WWOX: variants seen among roughly 807,000 people sequenced by gnomAD.
The protein encoded by WWOX is WW domain-containing oxidoreductase.
A neutral mutation model predicts 46.2 loss-of-function variants in WWOX; 69 were observed. That is an observed-to-expected ratio of 1.49 (90% CI 1.23 to 1.82). The LOEUF is 1.82. WWOX is among the 40% of genes most tolerant of loss of function. The pLI, the probability that WWOX is intolerant of heterozygous loss-of-function variation, is 0.00. For missense variants in WWOX, 919 were observed against 542.6 expected (o/e 1.69, Z -6.89); for synonymous variants, 359 against 202.6 (o/e 1.77, Z -6.56).
At chr16:79,178,366 G>T (rs1006690501) in intron 8 of WWOX, among the ~76,000 whole-genome samples, 1 of 152,118 alleles carries the variant, frequency 6.6e-6, no homozygotes, top group African/African-American at 2.4e-5. Context: ...ACCCAGGCTG[G>T]AGTGCAGTGG....
chr16:79,095,830 G>A (rs79865348), intron 8 of WWOX, among the ~76,000 whole-genome samples: 10 of 148,188 alleles, frequency 6.7e-5, no homozygotes, highest in East Asian at 6.0e-4. Flanking sequence ...CTCGCCTCCC[G>A]CCTGGATCAC....
chr16:78,275,238 C>T (rs977939020), intron 5 of WWOX, among the ~76,000 whole-genome samples: 4 of 152,038 alleles, frequency 2.6e-5, no homozygotes, highest in African/African-American at 9.7e-5. Flanking sequence ...TTTTAAAGTT[C>T]GCATAAAAAC....
At chr16:78,751,117 T>A (rs1364143000) in intron 8 of WWOX, among the ~76,000 whole-genome samples, 1 of 152,172 alleles carries the variant, frequency 6.6e-6, no homozygotes, top group Non-Finnish European at 1.5e-5. Context: ...GAGTGCTGTT[T>A]CAAACAGTTG....
chr16:79,079,190 A>G (rs2048714906), intron 8 of WWOX, among the ~76,000 whole-genome samples: 1 of 152,176 alleles, frequency 6.6e-6, no homozygotes, highest in South Asian at 2.1e-4. Context: ...TTCTGTCACC[A>G]CCACCTTTAT....
In WWOX at chr16:78,332,668, G is replaced by A. The variant is rs187611335; in HGVS notation, c.517-54192G>A. Among the ~76,000 whole-genome samples, 5 of 152,272 alleles carry A rather than the reference G, an allele frequency of 3.3e-5. No individual in the cohort carries two copies. In the East Asian group the frequency reaches 9.7e-4, roughly 29 times the overall value. ...CCTCTCTGTCATTGTGATTGGATAT[G>A]ATAATCTGAGAGTTGCCCAAATTAG... On this transcript the variant is annotated intron_variant, in intron 5 of 8. Transcript: ENST00000566780.
rs117778553 is a variant in WWOX at position 78,343,909 on chromosome 16, C to G, written c.517-42951C>G. Reference sequence around the variant, plus strand: ...GTGACAATGATGACAATGACGATGACCCTTGGTTGGAGCAATGTAGTCTAA... The same window carrying G: ...GTGACAATGATGACAATGACGATGAGCCTTGGTTGGAGCAATGTAGTCTAA... On this transcript the variant is annotated intron_variant, in intron 5 of 8. Transcript: ENST00000566780. 1.1e-4 allele frequency among the ~76,000 whole-genome samples: 13 copies of G among 120,134 alleles called. No homozygotes were observed. In the East Asian group the frequency reaches 2.5e-3, roughly 23 times the overall value. The allele number at this position is 120,134 out of a possible 152,430, so 78.8% of individuals were successfully genotyped here. A position where few individuals can be genotyped will look rare whatever the true frequency, so the allele number is the denominator to read the frequency against.
intron 5 of WWOX, among the ~76,000 whole-genome samples, chr16:78,362,564 G>T (rs753190562): frequency 4.6e-5 from 7 of 151,896 alleles, no homozygotes; most frequent in South Asian, 4.2e-4. Context: ...AGCTGAGATG[G>T]CACCACTGCA....
intron 8 of WWOX, among the ~76,000 whole-genome samples, chr16:79,168,265 A>G (rs533023189): frequency 2.6e-4 from 40 of 152,310 alleles, no homozygotes; most frequent in Non-Finnish European, 4.1e-4. Context: ...TTGCTGGGTC[A>G]TATGATCAGT....
At chr16:78,342,273 A>G (rs1363783339) in intron 5 of WWOX, among the ~76,000 whole-genome samples, 1 of 121,098 alleles carries the variant, frequency 8.3e-6, no homozygotes, top group Non-Finnish European at 2.0e-5. Flanking sequence ...CATTATCTTC[A>G]TACAACAAAC....
At chr16:78,655,419 A>G (rs1045582194) in intron 8 of WWOX, among the ~76,000 whole-genome samples, 1 of 152,258 alleles carries the variant, frequency 6.6e-6, no homozygotes, top group Admixed American at 6.5e-5. Context: ...AATTAGATCC[A>G]TAATGTTTTT....
intron 8 of WWOX, among the ~76,000 whole-genome samples, chr16:79,063,802 G>C (rs555410101): frequency 1.5e-4 from 23 of 152,332 alleles, no homozygotes; most frequent in Admixed American, 5.9e-4. Context: ...ATCCATTTCT[G>C]TGGGACCTAA....
chr16:78,338,506 T>C lies in WWOX; in HGVS notation c.517-48354T>C, dbSNP rs1365305032. Reference sequence around the variant, plus strand: ...TTTATGGAGTTAAGGGCACATAAAATATTCTTACAGAGAGAAATTCTGTAG... The same window carrying C: ...TTTATGGAGTTAAGGGCACATAAAACATTCTTACAGAGAGAAATTCTGTAG... On this transcript the variant is annotated intron_variant, in intron 5 of 8. Coordinates refer to ENST00000566780, the MANE Select transcript of WWOX (RefSeq NM_016373.4). Among the ~76,000 whole-genome samples the C allele has an allele frequency of 1.6e-5, 2 of 121,830 alleles. 1 individual carries two copies. The highest frequency in any genetic ancestry group is 3.9e-5 in the Non-Finnish European group (2 of 50,932). 79.9% of individuals were successfully genotyped at this position (121,830 alleles called of 152,430 possible). A position where few individuals can be genotyped will look rare whatever the true frequency, so the allele number is the denominator to read the frequency against.
chr16:79,080,581 A>C (rs2048742468), intron 8 of WWOX, among the ~76,000 whole-genome samples: 1 of 152,326 alleles, frequency 6.6e-6, no homozygotes, highest in South Asian at 2.1e-4. Flanking sequence ...CTGAATCTCG[A>C]ATCCAAATTC....
intron 8 of WWOX, among the ~76,000 whole-genome samples, chr16:78,815,725 G>C (rs1304699337): frequency 6.6e-6 from 1 of 152,176 alleles, no homozygotes; most frequent in African/African-American, 2.4e-5. Flanking sequence ...AGGAGCAAAA[G>C]AGCTTTAGAA....
At chr16:78,476,799 G>T (rs2084359453) in intron 8 of WWOX, among the ~76,000 whole-genome samples, 1 of 152,054 alleles carries the variant, frequency 6.6e-6, no homozygotes. Context: ...CAACACAATA[G>T]GCAATTGAGA....
intron 8 of WWOX, among the ~76,000 whole-genome samples, chr16:78,842,340 A>G (rs2052174955): frequency 1.3e-5 from 2 of 151,808 alleles, no homozygotes; most frequent in Admixed American, 1.3e-4. Flanking sequence ...AAAAAAAAAA[A>G]AAAAAAAATT....
chr16:78,530,700 G>A (rs535434572), intron 8 of WWOX, among the ~76,000 whole-genome samples: 5 of 152,228 alleles, frequency 3.3e-5, no homozygotes, highest in South Asian at 2.1e-4. Flanking sequence ...CCCTCACCAC[G>A]GACCTGCCCT....
intron 8 of WWOX, among the ~76,000 whole-genome samples, chr16:78,957,684 G>A (rs2046195848): frequency 6.6e-6 from 1 of 152,174 alleles, no homozygotes; most frequent in African/African-American, 2.4e-5. Flanking sequence ...GGATTTTCAA[G>A]CAGTTGTTTG....
intron 5 of WWOX, among the ~76,000 whole-genome samples, chr16:78,322,067 G>C (rs549160060): frequency 8.5e-5 from 13 of 152,218 alleles, no homozygotes; most frequent in African/African-American, 3.1e-4. Context: ...TTGGCTCCTA[G>C]TTGTACAAAA....
Sources: allele counts gnomAD v4.1 joint callset (sites outside exome capture counted in the v4.1 genomes callset), GRCh38; gene constraint gnomAD v4.1.1; transcripts MANE v1.5; gene names NCBI Gene and HGNC (gene_info 2026-07-23, HGNC 2026-07-21).